Variants in MIB1 observed in about 807,000 individuals in gnomAD.
MIB1 encodes the protein E3 ubiquitin-protein ligase MIB1.
MIB1 carries 278 observed loss-of-function variants against 124.5 expected under a neutral mutation model. The observed-to-expected ratio is 2.23, with a 90% CI of 2.02 to 2.47. MIB1 has a LOEUF of 2.47. Among genes scored for constraint, MIB1 ranks in the 30% most tolerant of loss-of-function variants. The pLI is 0.00. For missense variants in MIB1, 957 were observed against 1,254.4 expected (o/e 0.76, Z 3.58); for synonymous variants, 446 against 429.4 (o/e 1.04, Z -0.48).
chr18:21,864,096 T>C lies in MIB1; in HGVS notation c.2881-430T>C, dbSNP rs559353216. 5.9e-5 allele frequency among the ~76,000 whole-genome samples: 9 copies of C among 152,248 alleles called. No homozygotes were observed. In the South Asian group the frequency reaches 1.7e-3, roughly 28 times the overall value. ...GCCTGTGGGTTTCAGGCTTTTCAGC[T>C]CAAAGGTTGGGTTTCACTGGGGACC... On this transcript the variant is annotated intron_variant, in intron 20 of 20. Coordinates refer to ENST00000261537, the MANE Select transcript of MIB1 (RefSeq NM_020774.4).
At chr18:21,736,091 C>T (rs548053329), upstream of MIB1, among the ~76,000 whole-genome samples, 3 of 152,338 alleles carry the variant, frequency 2.0e-5, no homozygotes, top group Admixed American at 6.5e-5. Flanking sequence ...GGAGACACCT[C>T]CCAGTAGGGG....
intron 10 of MIB1, among the ~76,000 whole-genome samples, chr18:21,807,829 A>G (rs763101392): frequency 6.6e-6 from 1 of 152,022 alleles, no homozygotes; most frequent in Non-Finnish European, 1.5e-5. Context: ...TTGTTTTTTT[A>G]TCAACTTTTT....
At chr18:21,810,519 G>A (rs1040879468) in intron 10 of MIB1, among the ~76,000 whole-genome samples, 3 of 151,912 alleles carry the variant, frequency 2.0e-5, no homozygotes, top group South Asian at 4.1e-4. Context: ...TCAAGACAGT[G>A]TATTACTAAC....
At chr18:21,822,892 G>A (rs2041891595) in intron 12 of MIB1, among the ~76,000 whole-genome samples, 1 of 152,006 alleles carries the variant, frequency 6.6e-6, no homozygotes. Flanking sequence ...TTGAAGCCAG[G>A]AGCTTGAGAT....
At chr18:21,713,738 T>C (rs912315909) in intron 1 of MIB1, among the ~76,000 whole-genome samples, 3 of 148,706 alleles carry the variant, frequency 2.0e-5, no homozygotes, top group African/African-American at 7.4e-5. Context: ...TGAGTTACCA[T>C]GCCTGCACCC....
At chr18:21,758,177 A>G (rs961930259) in intron 1 of MIB1, among the ~76,000 whole-genome samples, 1 of 152,256 alleles carries the variant, frequency 6.6e-6, no homozygotes, top group African/African-American at 2.4e-5. Context: ...GCTTGGTACT[A>G]ATAGATAGTG....
At chr18:21,803,804 G>T (rs183722224) in intron 9 of MIB1, 103 bp from the exon 10 acceptor site, 3 of 735,314 alleles carry the variant, frequency 4.1e-6, no homozygotes, top group Admixed American at 2.6e-5. Flanking sequence ...AATTATTCTC[G>T]TGGAATCATA....
intron 12 of MIB1, among the ~76,000 whole-genome samples, chr18:21,821,031 C>G (rs1479183327): frequency 6.6e-6 from 1 of 152,152 alleles, no homozygotes; most frequent in Non-Finnish European, 1.5e-5. Flanking sequence ...GCTCTCTCAC[C>G]AATTCTTAGC....
At chr18:21,760,423 T>C (rs2041085122) in intron 1 of MIB1, among the ~76,000 whole-genome samples, 1 of 152,216 alleles carries the variant, frequency 6.6e-6, no homozygotes, top group South Asian at 2.1e-4. Context: ...GTAGTGCTCA[T>C]TTTGGTAGTG....
chr18:21,800,800 A>G (rs1383168046), intron 9 of MIB1, among the ~76,000 whole-genome samples: 1 of 152,150 alleles, frequency 6.6e-6, no homozygotes, highest in Non-Finnish European at 1.5e-5. Flanking sequence ...TAGCTTTATT[A>G]TAGAGAAATC....
rs1172798199 is a variant in MIB1, at chr18:21,801,417, G to C, written c.1371+1443G>C. On this transcript the variant is annotated intron_variant, in intron 9 of 20. Transcript: ENST00000261537. ...TTATATAAATGACATTCATAGCCAT[G>C]CTGTGGAGTATATTAGATTATGTTT... Among the ~76,000 whole-genome samples, 3 of 152,104 alleles carry C rather than the reference G, an allele frequency of 2.0e-5. No homozygotes were observed. The East Asian group carries it at 5.8e-4, about 29-fold the overall frequency.
At chr18:21,707,865 G>A (rs897247660) in intron 1 of MIB1, among the ~76,000 whole-genome samples, 1 of 152,174 alleles carries the variant, frequency 6.6e-6, no homozygotes, top group African/African-American at 2.4e-5. Context: ...TAGCCTAGGT[G>A]ACTTAAACAT....
chr18:21,812,847 G>T (rs1430692284), intron 10 of MIB1, among the ~76,000 whole-genome samples: 1 of 152,138 alleles, frequency 6.6e-6, no homozygotes, highest in African/African-American at 2.4e-5. Context: ...AACAGGACAG[G>T]CACATGAGCT....
chr18:21,771,470 A>G (rs1379252340), intron 3 of MIB1, among the ~76,000 whole-genome samples: 2 of 152,182 alleles, frequency 1.3e-5, no homozygotes, highest in African/African-American at 4.8e-5. Context: ...ATCAGAAGGA[A>G]CTTTTTGCTA....
intron 12 of MIB1, among the ~76,000 whole-genome samples, chr18:21,830,180 C>T (rs1009526901): frequency 6.6e-6 from 1 of 152,124 alleles, no homozygotes; most frequent in Non-Finnish European, 1.5e-5. Flanking sequence ...ATTAGAATTA[C>T]ACCATGCACG....
intron 7 of MIB1, among the ~76,000 whole-genome samples, chr18:21,795,068 T>C (rs2041557482): frequency 6.6e-6 from 1 of 151,696 alleles, no homozygotes. Flanking sequence ...AACAATTATA[T>C]GTTCTAACAA....
intron 1 of MIB1, among the ~76,000 whole-genome samples, chr18:21,706,517 A>G (rs1182195008): frequency 4.6e-5 from 7 of 152,026 alleles, no homozygotes; most frequent in Admixed American, 4.6e-4. Flanking sequence ...GTGTGGAGAG[A>G]GAGGCGTGGG....
chr18:21,777,449 T>C (rs1221254872), intron 4 of MIB1, among the ~76,000 whole-genome samples: 1 of 152,144 alleles, frequency 6.6e-6, no homozygotes, highest in Non-Finnish European at 1.5e-5. Context: ...TTTCCAATAA[T>C]AGATATTTGT....
At chr18:21,858,989 ATACAC>A (rs2042251345) in intron 20 of MIB1, among the ~76,000 whole-genome samples, 1 of 152,264 alleles carries the variant, frequency 6.6e-6, no homozygotes, top group Non-Finnish European at 1.5e-5. Context: ...GCCGTAACTC[ATACAC>A]TGCTGGTGGG....
Sources: gnomAD v4.1 joint callset for allele counts (sites outside exome capture counted in the v4.1 genomes callset) on GRCh38, gnomAD v4.1.1 for gene constraint, MANE v1.5 for transcripts, NCBI Gene and HGNC (gene_info 2026-07-23, HGNC 2026-07-21) for gene names.